Variants in ASTN2 observed in about 807,000 individuals in gnomAD.
ASTN2 encodes the protein astrotactin 2.
Under a neutral mutation model 139.8 loss-of-function variants are expected in ASTN2, and 54 were observed. The ratio of observed to expected loss-of-function variants is 0.39; its 90% CI spans 0.31 to 0.48. The LOEUF (loss-of-function observed/expected upper bound fraction) is 0.48. Among genes scored for constraint, ASTN2 ranks in the 20% least tolerant of loss-of-function variants. ASTN2 has a pLI of 0.95. For missense variants in ASTN2, 1,565 were observed against 1,725.1 expected (o/e 0.91, Z 1.64); for synonymous variants, 756 against 719.5 (o/e 1.05, Z -0.81).
At chr9:116,938,783 C>G (rs1384673157) in intron 10 of ASTN2, among the ~76,000 whole-genome samples, 1 of 152,082 alleles carries the variant, frequency 6.6e-6, no homozygotes. Context: ...GGGCATAATT[C>G]CAAAAGAGAA....
intron 16 of ASTN2, among the ~76,000 whole-genome samples, chr9:116,711,390 G>T (rs960648820): frequency 2.6e-5 from 4 of 152,214 alleles, no homozygotes; most frequent in Non-Finnish European, 5.9e-5. Context: ...AGGTATGGCA[G>T]CAGGAAAGTA....
At chr9:116,801,607 A>G (rs1166639057) in intron 13 of ASTN2, among the ~76,000 whole-genome samples, 1 of 149,412 alleles carries the variant, frequency 6.7e-6, no homozygotes, top group East Asian at 1.9e-4. Flanking sequence ...AAAAAAAAAA[A>G]AAAAAAGAAA....
At chr9:116,951,062 A>T (rs1835543570) in intron 10 of ASTN2, among the ~76,000 whole-genome samples, 2 of 152,082 alleles carry the variant, frequency 1.3e-5, no homozygotes, top group African/African-American at 4.8e-5. Flanking sequence ...ACTAGGCCAT[A>T]TGTGATGGCT....
rs1587968920 is a variant in ASTN2, at chr9:116,541,297, TA to T, written c.3356-53798del. Among the ~76,000 whole-genome samples, 3 of 152,022 alleles carry T rather than the reference TA, an allele frequency of 2.0e-5. No individual in the cohort carries two copies. The East Asian group carries it at 5.8e-4, about 29-fold the overall frequency. ...TCTGCCAGATCTAACACAAAGAAAA[TA>T]ACTGATAATATAACATTTTGGTATA... is the stretch of plus-strand genomic sequence containing the variant. On this transcript the variant is annotated intron_variant, in intron 19 of 22. Transcript: ENST00000313400.
At chr9:116,557,584 T>C (rs1466246802) in intron 19 of ASTN2, 1 of 152,226 alleles carries the variant, frequency 6.6e-6, no homozygotes, top group African/African-American at 2.4e-5. Flanking sequence ...TTTCTTTATG[T>C]GTCCTTCTTG....
At chr9:116,596,669 T>C (rs960929270) in intron 19 of ASTN2, among the ~76,000 whole-genome samples, 13 of 152,076 alleles carry the variant, frequency 8.5e-5, no homozygotes, top group Non-Finnish European at 1.5e-4. Context: ...AGCAAATATA[T>C]AAATAAATGA....
At chr9:116,899,682 C>T (rs917568629) in intron 10 of ASTN2, among the ~76,000 whole-genome samples, 1 of 152,172 alleles carries the variant, frequency 6.6e-6, no homozygotes. Context: ...ACAGCTCCTT[C>T]CTGAAACAAA....
intron 16 of ASTN2, among the ~76,000 whole-genome samples, chr9:116,660,662 A>G (rs982722336): frequency 6.6e-6 from 1 of 152,036 alleles, no homozygotes; most frequent in African/African-American, 2.4e-5. Flanking sequence ...TTCCCTTGAA[A>G]CCTGCCTGAT....
At chr9:116,646,136 T>C (rs2131908685) in intron 17 of ASTN2, among the ~76,000 whole-genome samples, 1 of 152,270 alleles carries the variant, frequency 6.6e-6, no homozygotes, top group African/African-American at 2.4e-5. Context: ...TGAGGAAACA[T>C]CCAAACCCAA....
intron 1 of ASTN2, among the ~76,000 whole-genome samples, chr9:117,380,274 T>C (rs1217052509): frequency 2.0e-5 from 3 of 152,014 alleles, no homozygotes; most frequent in Non-Finnish European, 4.4e-5. Flanking sequence ...CAAAGCATGA[T>C]AAGTTTTCTG....
intron 13 of ASTN2, among the ~76,000 whole-genome samples, chr9:116,759,022 G>A (rs1829604952): frequency 6.6e-6 from 1 of 152,070 alleles, no homozygotes; most frequent in Admixed American, 6.5e-5. Context: ...GACTACAGAA[G>A]CGTACCGCCA....
intron 1 of ASTN2, among the ~76,000 whole-genome samples, chr9:117,309,994 C>T (rs28576269): frequency 0.023 from 3,518 of 152,248 alleles, 123 homozygotes; most frequent in African/African-American, 0.08. Context: ...GTCTTTGACA[C>T]TTTTCCTTTC....
chr9:116,530,094 G>GATAT lies in ASTN2; in HGVS notation c.3356-42598_3356-42595dup, dbSNP rs3984942. 2.1e-3 allele frequency among the ~76,000 whole-genome samples: 107 copies of GATAT among 50,958 alleles called. 1 individual carries two copies. Among genetic ancestry groups the GATAT allele is most frequent in the Non-Finnish European group, 2.7e-3 (76 of 28,626 alleles). The allele number at this position is 50,958 out of a possible 152,430, so 33.4% of individuals were successfully genotyped here. ...ATCAGTGGATGAATGGATAAAGTGT[G>GATAT]ATATATATATATATATATATATATA... On this transcript the variant is annotated intron_variant, in intron 19 of 22. Transcript: ENST00000313400.
At chr9:116,513,620 G>A (rs1031166484) in intron 19 of ASTN2, among the ~76,000 whole-genome samples, 3 of 152,092 alleles carry the variant, frequency 2.0e-5, no homozygotes, top group Non-Finnish European at 2.9e-5. Context: ...CATTCTCCCT[G>A]TCACTTTCAG....
At chr9:117,129,311 G>T (rs1829775677) in intron 4 of ASTN2, among the ~76,000 whole-genome samples, 1 of 152,006 alleles carries the variant, frequency 6.6e-6, no homozygotes, top group Non-Finnish European at 1.5e-5. Flanking sequence ...CATAAAATCT[G>T]CACATGAATT....
intron 5 of ASTN2, among the ~76,000 whole-genome samples, chr9:117,091,857 G>A (rs1256694156): frequency 6.6e-6 from 1 of 152,148 alleles, no homozygotes; most frequent in Non-Finnish European, 1.5e-5. Context: ...TTGTAAAGAT[G>A]ATCACTCTGG....
At chr9:117,227,105 G>T (rs1358280300) in intron 2 of ASTN2, among the ~76,000 whole-genome samples, 1 of 152,116 alleles carries the variant, frequency 6.6e-6, no homozygotes, top group Non-Finnish European at 1.5e-5. Flanking sequence ...AATCATGGGT[G>T]GGGGTTAGGG....
intron 10 of ASTN2, among the ~76,000 whole-genome samples, chr9:116,883,956 A>C (rs1449761188): frequency 6.6e-6 from 1 of 152,208 alleles, no homozygotes; most frequent in African/African-American, 2.4e-5. Flanking sequence ...AGTTTCATGT[A>C]GCCAGACCAG....
Position 116,425,439 on chromosome 9 carries a change from A to G in ASTN2, c.*412T>C. 2.3e-6 allele frequency: 2 copies of G among 854,382 alleles called. No homozygotes were observed. The highest frequency in any genetic ancestry group is 2.5e-4 in the Middle Eastern group (1 of 3,980). 52.9% of individuals were successfully genotyped at this position (854,382 alleles called of 1,614,324 possible). ...GTCAAAACTGTCTCCTCTAGGGGTCAGGTCAAAACTGTCCCTCCATAGGTC... is the reference window on the plus strand; with the variant it reads ...GTCAAAACTGTCTCCTCTAGGGGTCGGGTCAAAACTGTCCCTCCATAGGTC... On this transcript the variant is annotated 3_prime_UTR_variant, in exon 23 of 23. Transcript: ENST00000313400.
Sources: gnomAD v4.1 joint callset for allele counts (sites outside exome capture counted in the v4.1 genomes callset) on GRCh38, gnomAD v4.1.1 for gene constraint, MANE v1.5 for transcripts, NCBI Gene and HGNC (gene_info 2026-07-23, HGNC 2026-07-21) for gene names.